Variants in TBC1D7 observed in about 807,000 individuals in gnomAD.
TBC1D7 encodes the protein TBC domain family 7.
A neutral mutation model predicts 35.3 loss-of-function variants in TBC1D7; 33 were observed. The ratio of observed to expected loss-of-function variants is 0.93; its 90% CI spans 0.71 to 1.25. TBC1D7 has a LOEUF of 1.25. Ranked by LOEUF, TBC1D7 falls within the 50% of genes most tolerant of loss-of-function variation. The pLI is 0.00. For missense variants in TBC1D7, 362 were observed against 365.3 expected (o/e 0.99, Z 0.07); for synonymous variants, 135 against 129.5 (o/e 1.04, Z -0.29).
Position 13,310,637 on chromosome 6 carries a change from C to CAAAAAAAAAA in TBC1D7, c.520-2902_520-2893dup, listed in dbSNP as rs546122443. Among the ~76,000 whole-genome samples the CAAAAAAAAAA allele has an allele frequency of 1.7e-3, 122 of 72,828 alleles. 4 individuals are homozygous for CAAAAAAAAAA. The highest frequency in any genetic ancestry group is 7.4e-3 in the Admixed American group (45 of 6,044). 47.8% of individuals were successfully genotyped at this position (72,828 alleles called of 152,430 possible). A position where few individuals can be genotyped will look rare whatever the true frequency, so the allele number is the denominator to read the frequency against. ...TGGGTGACAGAGCGAGACTCCGTCT[C>CAAAAAAAAAA]AAAAAAAAAAAAAAAAGAATATTGT... On this transcript the variant is annotated intron_variant, in intron 5 of 7. Coordinates refer to ENST00000379300, the MANE Select transcript of TBC1D7 (RefSeq NM_016495.6).
intron 5 of TBC1D7, among the ~76,000 whole-genome samples, chr6:13,314,721 A>G (rs1251451568): frequency 1.3e-5 from 2 of 152,224 alleles, no homozygotes; most frequent in African/African-American, 4.8e-5. Context: ...TTGCCTTATT[A>G]ACAATTAACT....
At chr6:13,323,278 G>A (rs554016073) in intron 3 of TBC1D7, among the ~76,000 whole-genome samples, 11 of 152,150 alleles carry the variant, frequency 7.2e-5, no homozygotes, top group South Asian at 2.1e-4. Flanking sequence ...GCCTGAACCC[G>A]GGAGGCAGAG....
At position 13,321,076 on chromosome 6, in the gene TBC1D7, G is replaced by C; in HGVS notation, c.213C>G (p.His71Gln). 2.5e-6 allele frequency: 4 copies of C among 1,613,052 alleles called. No individual in the cohort carries two copies. Among genetic ancestry groups the C allele is most frequent in the South Asian group, 1.1e-5 (1 of 90,980 alleles). Residue 71 changes from histidine (H) to glutamine (Q), a missense_variant, in exon 4 of 8, where the codon CAC (histidine) becomes CAG (glutamine). His to Gln is a conservative substitution (Grantham distance 24). Transcript: ENST00000379300. ...ACATCATCACCTTGGCATGGGACTCGTGGTGTGGAGGCAAGATTCCTAGAG... is the reference window on the plus strand; with the variant it reads ...ACATCATCACCTTGGCATGGGACTCCTGGTGTGGAGGCAAGATTCCTAGAG... ...KVLLGILPPH[H>Q]ESHAKVMMYR...
Position 13,306,379 on chromosome 6 carries a change from C to G in TBC1D7, c.795+19G>C. On this transcript the variant is annotated intron_variant, in intron 7 of 7. Coordinates refer to ENST00000379300, the MANE Select transcript of TBC1D7 (RefSeq NM_016495.6). ...GTAACTTCATTTCCAGATTCAAAAT[C>G]AAATCAAAGCACACTTACATTTTCC... 6.4e-7 allele frequency: 1 copy of G among 1,574,148 alleles called. No individual in the cohort carries two copies. The highest frequency in any genetic ancestry group is 8.6e-7 in the Non-Finnish European group (1 of 1,168,334).
At position 13,326,887 on chromosome 6, in the gene TBC1D7, G is replaced by A. The variant is rs778228952; in HGVS notation, c.12C>T (p.Asp4=). The A allele has an allele frequency of 6.2e-7, 1 of 1,604,058 alleles. No individual in the cohort carries two copies. Among genetic ancestry groups the A allele is most frequent in the Non-Finnish European group, 8.5e-7 (1 of 1,173,842 alleles). Residue 4 remains aspartate, a synonymous_variant, in exon 2 of 8, where the codon GAC becomes GAT. Transcript: ENST00000379300. MTE[D]SQRNFRSVYY... is the part of the protein sequence containing the mutation. The stretch of plus-strand genomic sequence containing the variant: ...ATACTGAACGAAAGTTTCTCTGAGA[G>A]TCCTCAGTCATATTTCATTCTTGGA...
rs751262933 is a variant in TBC1D7, at chr6:13,326,788, C to T, written c.111G>A (p.Leu37=). The stretch of plus-strand genomic sequence containing the variant: ...AGATTAATTTTTAAAAGTACTCACC[C>T]AGACGGTCATCTTTTAGGAGAATTT... ...SLEILLKDDR[L]DTEKLCTFSQ... is the part of the protein sequence containing the mutation. Residue 37 remains leucine (L), a splice_region_variant and synonymous_variant, in exon 2 of 8, where the codon CTG becomes CTA. Transcript: ENST00000379300. 6 of 1,601,604 alleles carry T rather than the reference C, an allele frequency of 3.7e-6. No homozygotes were observed. In the South Asian group the frequency reaches 5.5e-5, roughly 15 times the overall value.
At chr6:13,322,875 C>G (rs993867162) in intron 3 of TBC1D7, among the ~76,000 whole-genome samples, 3 of 152,298 alleles carry the variant, frequency 2.0e-5, no homozygotes, top group African/African-American at 7.2e-5. Context: ...AACCTGTTTT[C>G]TAAGAGCTAG....
Position 13,306,472 on chromosome 6 carries a change from C to A in TBC1D7, c.721G>T (p.Glu241Ter). Residue 241 changes from glutamate (E) to a stop codon, truncating the protein, a stop_gained, in exon 7 of 8, where the codon GAA becomes TAA. Transcript: ENST00000379300. LOFTEE classifies it high-confidence loss of function. Reference sequence around the variant, plus strand: ...TTTATTTTAAAGGTTAATAAAATTTCGACAGCTACAAAAACTAGGATCTTA... The same window carrying A: ...TTTATTTTAAAGGTTAATAAAATTTAGACAGCTACAAAAACTAGGATCTTA... ...SCKILVFVAV[E>*]ILLTFKIKVM... 6.2e-7 allele frequency: 1 copy of A among 1,609,972 alleles called. No individual in the cohort carries two copies. The highest frequency in any genetic ancestry group is 8.5e-7 in the Non-Finnish European group (1 of 1,178,302).
intron 6 of TBC1D7, chr6:13,306,924 G>C (rs1484585154): frequency 6.5e-6 from 1 of 154,158 alleles, no homozygotes; most frequent in Non-Finnish European, 1.4e-5. Context: ...ATATGAAATG[G>C]GATAAATTCA....
chr6:13,306,580 A>C (rs1440396351), intron 6 of TBC1D7, 53 bp from the exon 7 acceptor site: 10 of 1,361,902 alleles, frequency 7.3e-6, no homozygotes, highest in Non-Finnish European at 9.8e-6. Context: ...AATTATGTTT[A>C]GCCTAGACAT....
chr6:13,317,867 G>T (rs1783746734), intron 4 of TBC1D7, among the ~76,000 whole-genome samples: 1 of 152,236 alleles, frequency 6.6e-6, no homozygotes, highest in Non-Finnish European at 1.5e-5. Flanking sequence ...GCGCTAAGTA[G>T]GTGCTACGGT....
At chr6:13,318,114 C>G (rs942339748) in intron 4 of TBC1D7, 6 of 152,356 alleles carry the variant, frequency 3.9e-5, no homozygotes, top group Non-Finnish European at 5.9e-5. Context: ...ATAGCCTGTG[C>G]CACCTCAGGA....
intron 4 of TBC1D7, chr6:13,319,216 T>A (rs1247566747): frequency 1.3e-5 from 2 of 152,212 alleles, no homozygotes; most frequent in African/African-American, 4.8e-5. Context: ...TCACAGCACT[T>A]TGGGAGGCCA....
At chr6:13,314,226 G>GA (rs1783438229) in intron 5 of TBC1D7, among the ~76,000 whole-genome samples, 1 of 151,256 alleles carries the variant, frequency 6.6e-6, no homozygotes, top group Non-Finnish European at 1.5e-5. Flanking sequence ...AAAAGGAAAG[G>GA]AAAATCATAT....
Position 13,320,925 on chromosome 6 carries a change from T to G in TBC1D7, c.364A>C (p.Ser122Arg). 2 of 1,614,138 alleles carry G rather than the reference T, an allele frequency of 1.2e-6. No homozygotes were observed. Among genetic ancestry groups the G allele is most frequent in the Non-Finnish European group, 1.7e-6 (2 of 1,180,022 alleles). ...CCACTAACCAGTGGAAAAGAGGGACTTCGAGGTAACTTCCCAGACTCCAGC... is the reference window on the plus strand; with the variant it reads ...CCACTAACCAGTGGAAAAGAGGGACGTCGAGGTAACTTCCCAGACTCCAGC... ...YQLESGKLPR[S>R]PSFPLEPDDE... The change falls in exon 4 of 8, where the codon AGT (serine) becomes CGT (arginine). Residue 122 changes from serine to arginine, a missense_variant. By Grantham distance (110) the Ser-to-Arg change is moderately radical. Transcript: ENST00000379300.
At chr6:13,326,959 T>C (rs951978289) in intron 1 of TBC1D7, 53 bp from the exon 2 acceptor site, 36 of 1,031,850 alleles carry the variant, frequency 3.5e-5, no homozygotes, top group Non-Finnish European at 5.0e-5. Flanking sequence ...AGGGGAAAAG[T>C]GAGTCTAGAA....
chr6:13,323,377 AGAAT>A (rs796850224), intron 3 of TBC1D7, among the ~76,000 whole-genome samples: 3 of 152,214 alleles, frequency 2.0e-5, no homozygotes, highest in African/African-American at 7.2e-5. Flanking sequence ...AAAAAAAGAA[AGAAT>A]GGTTAAGAAG....
chr6:13,318,650 C>A (rs1023145608), intron 4 of TBC1D7: 1 of 152,132 alleles, frequency 6.6e-6, no homozygotes, highest in Admixed American at 6.5e-5. Context: ...AAAATTAGAT[C>A]TGCAATAAAA....
At chr6:13,314,908 A>G (rs1434867083) in intron 5 of TBC1D7, among the ~76,000 whole-genome samples, 2 of 152,222 alleles carry the variant, frequency 1.3e-5, no homozygotes, top group East Asian at 3.8e-4. Context: ...AAAAAAAGAA[A>G]GTGGCAAAGG....
Sources: gnomAD v4.1 joint callset for allele counts (sites outside exome capture counted in the v4.1 genomes callset) on GRCh38, gnomAD v4.1.1 for gene constraint, MANE v1.5 for transcripts, NCBI Gene and HGNC (gene_info 2026-07-23, HGNC 2026-07-21) for gene names.